Variants in ZNF8 observed in about 807,000 individuals in gnomAD.
The protein encoded by ZNF8 is zinc finger protein 272.
ZNF8 carries 9 observed loss-of-function variants against 12.2 expected under a neutral mutation model. The ratio of observed to expected loss-of-function variants is 0.73; its 90% CI spans 0.44 to 1.28. The LOEUF is 1.28. Ranked by LOEUF, ZNF8 falls within the 50% of genes most tolerant of loss-of-function variation. ZNF8 has a pLI of 0.00. For missense variants in ZNF8, 664 were observed against 729.1 expected, an observed-to-expected ratio of 0.91 and a Z score of 1.03; for synonymous variants, 274 against 282.3, an observed-to-expected ratio of 0.97 and a Z score of 0.30.
chr19:58,283,599 CTTTTTT>C (rs34775791), intron 1 of ZNF8, among the ~76,000 whole-genome samples: 1 of 122,874 alleles, frequency 8.1e-6, no homozygotes, highest in Non-Finnish European at 1.7e-5. Flanking sequence ...GAAATAAACT[CTTTTTT>C]TTTTTTTTTT....
chr19:58,279,879 C>CTT lies in ZNF8; in HGVS notation c.66+739_66+740dup, dbSNP rs34512848. On this transcript the variant is annotated intron_variant, in intron 1 of 3. Transcript: ENST00000621650. ...CAAGCTCTGCAACTTTGAAATTATA[C>CTT]TTTTTTTTATTTTTTGTCGTTGGTT... The CTT allele has an allele frequency of 1.2e-3, 1,254 of 1,028,264 alleles. 2 individuals are homozygous for CTT. The African/African-American group carries it at 0.018, about 15-fold the overall frequency. 63.7% of individuals were successfully genotyped at this position (1,028,264 alleles called of 1,614,324 possible). A position where few individuals can be genotyped will look rare whatever the true frequency, so the allele number is the denominator to read the frequency against.
chr19:58,284,292 A>G (rs1374666863), intron 1 of ZNF8, among the ~76,000 whole-genome samples: 6 of 152,174 alleles, frequency 3.9e-5, no homozygotes, highest in African/African-American at 1.4e-4. Context: ...ATATGCTGGG[A>G]CAGGGACTAT....
intron 1 of ZNF8, among the ~76,000 whole-genome samples, chr19:58,284,781 A>G (rs534974534): frequency 6.6e-6 from 1 of 152,296 alleles, no homozygotes; most frequent in East Asian, 1.9e-4. Flanking sequence ...CCTGGGAGGC[A>G]GAGGTTGCAG....
chr19:58,281,160 T>C (rs899453725), intron 1 of ZNF8, among the ~76,000 whole-genome samples: 6 of 151,994 alleles, frequency 3.9e-5, no homozygotes, highest in Admixed American at 6.6e-5. Flanking sequence ...GAAGGAGCCA[T>C]TCACGTGTTT....
rs769017133 is a variant in ZNF8 at position 58,279,803 on chromosome 19, TCTC to T, written c.66+658_66+660del. 6.6e-5 allele frequency: 95 copies of T among 1,448,394 alleles called. No individual in the cohort carries two copies. In the East Asian group the frequency reaches 2.2e-3, roughly 34 times the overall value. 89.7% of individuals were successfully genotyped at this position (1,448,394 alleles called of 1,614,324 possible). On this transcript the variant is annotated intron_variant, in intron 1 of 3. Transcript: ENST00000621650. ...TAGACAAAGTGGTTGCGGCCTGTGT[TCTC>T]CATAAAGCTGCCTCGCGTGGCAGGA...
At chr19:58,282,519 C>G (rs1354991108) in intron 1 of ZNF8, among the ~76,000 whole-genome samples, 1 of 152,124 alleles carries the variant, frequency 6.6e-6, no homozygotes, top group Non-Finnish European at 1.5e-5. Context: ...AGTTGCTTAT[C>G]CTTTTGGTTT....
intron 3 of ZNF8, among the ~76,000 whole-genome samples, chr19:58,289,183 C>G (rs866052143): frequency 6.6e-6 from 1 of 152,264 alleles, no homozygotes. Context: ...CAAAGTACCA[C>G]AATCTAGGTG....
chr19:58,289,239 T>C (rs2051402559), intron 3 of ZNF8, among the ~76,000 whole-genome samples: 1 of 152,312 alleles, frequency 6.6e-6, no homozygotes, highest in Non-Finnish European at 1.5e-5. Context: ...CTCACCCCTA[T>C]CATTCCAGCA....
rs2051470639 is a variant in ZNF8, at chr19:58,298,434, C to T, written c.*2898C>T. 6.6e-6 allele frequency: 1 copy of T among 152,334 alleles called. No individual in the cohort carries two copies. Among genetic ancestry groups the T allele is most frequent in the Admixed American group, 6.5e-5 (1 of 15,272 alleles). 9.4% of individuals were successfully genotyped at this position (152,334 alleles called of 1,614,324 possible). On this transcript the variant is annotated 3_prime_UTR_variant, in exon 4 of 4. Coordinates refer to ENST00000621650, the MANE Select transcript of ZNF8 (RefSeq NM_021089.3). ...CCGCCTCCCGGGTTCAAGCAGTTCT[C>T]ATGCTTCAGCCCTCTAAGTAGCTGG...
At position 58,297,701 on chromosome 19, in the gene ZNF8, T is replaced by G. The variant is rs1239091534; in HGVS notation, c.*2165T>G. ...GTGCCCAGCCACTTATTTTTCTGAG[T>G]AACCTTTAAGGATGTATTGTGGACA... is the stretch of plus-strand genomic sequence containing the variant. On this transcript the variant is annotated 3_prime_UTR_variant, in exon 4 of 4. Coordinates refer to ENST00000621650, the MANE Select transcript of ZNF8 (RefSeq NM_021089.3). 6.6e-6 allele frequency: 1 copy of G among 152,204 alleles called. No individual in the cohort carries two copies. The highest frequency in any genetic ancestry group is 1.5e-5 in the Non-Finnish European group (1 of 68,048). 9.4% of individuals were successfully genotyped at this position (152,204 alleles called of 1,614,324 possible).
In ZNF8 at chr19:58,279,667, T is replaced by C. The variant is rs751100307; in HGVS notation, c.66+520T>C. 19 of 1,532,710 alleles carry C rather than the reference T, an allele frequency of 1.2e-5. No individual in the cohort carries two copies. The African/African-American group carries it at 2.5e-4, about 20-fold the overall frequency. The allele number at this position is 1,532,710 out of a possible 1,614,324, so 94.9% of individuals were successfully genotyped here. On this transcript the variant is annotated intron_variant, in intron 1 of 3. Transcript: ENST00000621650. ...GGGGCAATGATGGGTCACCACGCAC[T>C]GAGTGTGATGAGAGTGACCACCAGG...
At chr19:58,290,469 AT>A in intron 3 of ZNF8, among the ~76,000 whole-genome samples, 1 of 152,214 alleles carries the variant, frequency 6.6e-6, no homozygotes. Context: ...GGTTCCAGGG[AT>A]TGGGATGGGG....
rs1568524058 is a variant in ZNF8, at chr19:58,285,713, T to G, written c.67-4T>G. ...GCTGATTGAGAATGTGTGTGATGTT[T>G]CAGGAACCAGTGACCTTCCGGGATG... On this transcript the variant is annotated splice_region_variant and splice_polypyrimidine_tract_variant and intron_variant, in intron 1 of 3. Coordinates refer to ENST00000621650, the MANE Select transcript of ZNF8 (RefSeq NM_021089.3). 1.2e-6 allele frequency: 2 copies of G among 1,614,064 alleles called. No individual in the cohort carries two copies. The highest frequency in any genetic ancestry group is 1.7e-6 in the Non-Finnish European group (2 of 1,180,032).
At chr19:58,280,784 T>C (rs1337088625) in intron 1 of ZNF8, among the ~76,000 whole-genome samples, 1 of 152,250 alleles carries the variant, frequency 6.6e-6, no homozygotes, top group African/African-American at 2.4e-5. Context: ...GTAGAATGTT[T>C]CCTCGTCTTT....
In ZNF8 at chr19:58,294,063, C is replaced by A; in HGVS notation, c.290-35C>A. 6.4e-7 allele frequency: 1 copy of A among 1,551,430 alleles called. No homozygotes were observed. The highest frequency in any genetic ancestry group is 8.7e-7 in the Non-Finnish European group (1 of 1,147,468). ...GCCTGTCCCCCTTCCGTTTTTTTCT[C>A]CCAACAGCTCAGAGATCTTTGGGTT... On this transcript the variant is annotated intron_variant, in intron 3 of 3. Coordinates refer to ENST00000621650, the MANE Select transcript of ZNF8 (RefSeq NM_021089.3). This position sits in a 1 kb window ranked among gnomAD's most constrained non-coding sequence, Gnocchi z 5.5.
intron 1 of ZNF8, chr19:58,279,494 G>T (rs998688149): frequency 2.7e-6 from 4 of 1,478,986 alleles, no homozygotes. Context: ...TCCTCGTGTT[G>T]ACTGATAACA....
At chr19:58,291,985 C>G (rs1226750541) in intron 3 of ZNF8, among the ~76,000 whole-genome samples, 1 of 152,050 alleles carries the variant, frequency 6.6e-6, no homozygotes, top group East Asian at 1.9e-4. Flanking sequence ...GAGAAGGGCA[C>G]AGGGTCGTGT....
intron 3 of ZNF8, among the ~76,000 whole-genome samples, chr19:58,288,250 A>G (rs1381551736): frequency 1.3e-5 from 2 of 151,950 alleles, no homozygotes; most frequent in Non-Finnish European, 2.9e-5. Context: ...CCCTAAAACC[A>G]GGTTGGAGCA....
intron 1 of ZNF8, among the ~76,000 whole-genome samples, chr19:58,281,166 T>G (rs1341278898): frequency 1.3e-5 from 2 of 152,140 alleles, no homozygotes; most frequent in Non-Finnish European, 2.9e-5. Context: ...GCCATTCACG[T>G]GTTTTAAGCA....
Sources: allele counts gnomAD v4.1 joint callset (sites outside exome capture counted in the v4.1 genomes callset), GRCh38; gene constraint gnomAD v4.1.1; non-coding constraint Gnocchi (gnomAD v3.1); transcripts MANE v1.5; gene names NCBI Gene and HGNC (gene_info 2026-07-23, HGNC 2026-07-21).